Variants in COL9A2 observed in about 807,000 individuals in gnomAD.
COL9A2 encodes collagen alpha-2(IX) chain.
A neutral mutation model predicts 111.6 loss-of-function variants in COL9A2; 66 were observed. The ratio of observed to expected loss-of-function variants is 0.59; its 90% CI spans 0.48 to 0.73. COL9A2 has a LOEUF of 0.73. Ranked by LOEUF, COL9A2 falls within the 30% of genes least tolerant of loss-of-function variation. COL9A2 has a pLI of 0.00. For missense variants in COL9A2, 881 were observed against 954.1 expected (o/e 0.92, Z 1.01); for synonymous variants, 353 against 364.1 (o/e 0.97, Z 0.35).
Position 40,303,929 on chromosome 1 carries a change from T to C in COL9A2, c.1367A>G (p.Lys456Arg), listed in dbSNP as rs1207723446. The C allele has an allele frequency of 1.3e-6, 2 of 1,555,270 alleles. No individual in the cohort carries two copies. Among genetic ancestry groups the C allele is most frequent in the Admixed American group, 3.9e-5 (2 of 51,474 alleles). ...CCCTTCCCTAGGCCGCGCGCTCACC[T>C]TCTCGCCTTTCTCTCCGGGGAGGCC... Reference protein sequence around the residue: ...VAGLPGEKGEKGESGEPGPKG... With the variant: ...VAGLPGEKGERGESGEPGPKG... The change falls in exon 26 of 32, where the codon AAG (lysine) becomes AGG (arginine). Residue 456 changes from lysine (K) to arginine (R), a missense_variant and splice_region_variant. Transcript: ENST00000372748. The surrounding 1 kb of genome is among the most constrained non-coding windows in gnomAD (Gnocchi z 4.6).
Position 40,303,911 on chromosome 1 carries a change from C to T in COL9A2, c.1368+17G>A, listed in dbSNP as rs1405827011. ...GCCAGCCGCCGCTCCCCGCCCTTCC[C>T]TAGGCCGCGCGCTCACCTTCTCGCC... is the stretch of plus-strand genomic sequence containing the variant. On this transcript the variant is annotated intron_variant, in intron 26 of 31. Coordinates refer to ENST00000372748, the MANE Select transcript of COL9A2 (RefSeq NM_001852.4). This position sits in a 1 kb window ranked among gnomAD's most constrained non-coding sequence, Gnocchi z 4.6. The T allele has an allele frequency of 6.4e-7, 1 of 1,551,846 alleles. No individual in the cohort carries two copies. Among genetic ancestry groups the T allele is most frequent in the Non-Finnish European group, 8.7e-7 (1 of 1,147,438 alleles).
chr1:40,307,739 G>A lies in COL9A2; in HGVS notation c.918C>T (p.Asn306=), dbSNP rs376991606. The A allele has an allele frequency of 2.3e-5, 37 of 1,614,162 alleles. No individual in the cohort carries two copies. Among genetic ancestry groups the A allele is most frequent in the African/African-American group, 8.0e-5 (6 of 75,034 alleles). Residue 306 remains asparagine, a synonymous_variant, in exon 18 of 32, where the codon AAC becomes AAT. Transcript: ENST00000372748. The surrounding 1 kb of genome is among the most constrained non-coding windows in gnomAD (Gnocchi z 4.8). ...GCGTGCCTGGGGTCCCATCCTTGCC[G>A]TTGATGCCTGGGGGGCCCTACCCAG... is the stretch of plus-strand genomic sequence containing the variant. ...PKGATGPPGI[N]GKDGTPGTPG...
intron 21 of COL9A2, 52 bp downstream of exon 21, chr1:40,305,663 C>T (rs368959182): frequency 7.1e-6 from 11 of 1,544,278 alleles, no homozygotes; most frequent in Non-Finnish European, 9.9e-6. Flanking sequence ...GGCTCCACCC[C>T]ATGGCCTCAC....
chr1:40,303,054 A>C lies in COL9A2; in HGVS notation c.1603+77T>G. The C allele has an allele frequency of 6.9e-7, 1 of 1,455,252 alleles. No individual in the cohort carries two copies. The allele number at this position is 1,455,252 out of a possible 1,614,324, so 90.1% of individuals were successfully genotyped here. ...ACTCCAGATTTTCAGACAAGTGAAC[A>C]CGTGGAGGCTCCGGGAGGGGGTGAG... On this transcript the variant is annotated intron_variant, in intron 29 of 31. Transcript: ENST00000372748. This position sits in a 1 kb window ranked among gnomAD's most constrained non-coding sequence, Gnocchi z 4.6.
At chr1:40,305,061 CTTTTT>C (rs869251364) in intron 21 of COL9A2, 262 of 123,374 alleles carry the variant, frequency 2.1e-3, no homozygotes, top group Middle Eastern at 7.9e-3. Context: ...TTCTTTCTTT[CTTTTT>C]TTTTTTTTTT....
Position 40,304,870 on chromosome 1 carries a change from C to A in COL9A2, c.1108-23G>T, listed in dbSNP as rs755692620. ...TCCCTGGAGGAAGGAGAAATTGGGG[C>A]TAAGCGTTTGACCTGGTGGAACCCA... On this transcript the variant is annotated intron_variant, in intron 21 of 31. Transcript: ENST00000372748. 7.1e-6 allele frequency: 11 copies of A among 1,547,606 alleles called. No homozygotes were observed. In the South Asian group the frequency reaches 1.2e-4, roughly 17 times the overall value.
rs370130857 is a variant in COL9A2, at chr1:40,302,652, G to A, written c.1761C>T (p.Ala587=). Residue 587 remains alanine (A), a synonymous_variant, in exon 30 of 32, where the codon GCC becomes GCT. Transcript: ENST00000372748. This position sits in a 1 kb window ranked among gnomAD's most constrained non-coding sequence, Gnocchi z 4.5. ...GPRGVPGIVG[A]VGQIGNTGPK... ...GCCCCGTGTTGCCGATCTGACCCAC[G>A]GCTCCCACGATGCCAGGAACGCCCC... is the stretch of plus-strand genomic sequence containing the variant. 48 of 1,604,318 alleles carry A rather than the reference G, an allele frequency of 3.0e-5. No individual in the cohort carries two copies. The South Asian group carries it at 4.0e-4, about 13-fold the overall frequency.
Position 40,316,073 on chromosome 1 carries a change from G to C in COL9A2, c.76-409C>G, listed in dbSNP as rs1283872731. 5.8e-6 allele frequency: 1 copy of C among 172,346 alleles called. No homozygotes were observed. Among genetic ancestry groups the C allele is most frequent in the South Asian group, 1.4e-4 (1 of 6,944 alleles). The allele number at this position is 172,346 out of a possible 1,614,324, so 10.7% of individuals were successfully genotyped here. On this transcript the variant is annotated intron_variant, in intron 1 of 31. Coordinates refer to ENST00000372748, the MANE Select transcript of COL9A2 (RefSeq NM_001852.4). This position sits in a 1 kb window ranked among gnomAD's most constrained non-coding sequence, Gnocchi z 5.5. ...AAATAAATCACAGATGGAATGTAAG[G>C]TTGTGCCTAGCAGGCTGCCGGCCCT...
chr1:40,314,816 C>T lies in COL9A2; in HGVS notation c.151-429G>A, dbSNP rs117572942. ...TATTCCAGACTGCAGGGCAGGAGAA[C>T]GGGAAGCTGAGCCAGTGGCAAGGAC... On this transcript the variant is annotated intron_variant, in intron 2 of 31. Transcript: ENST00000372748. The surrounding 1 kb of genome is among the most constrained non-coding windows in gnomAD (Gnocchi z 4.1). Among the ~76,000 whole-genome samples the T allele has an allele frequency of 0.019, 2,907 of 152,098 alleles. 47 individuals carry two copies. Among genetic ancestry groups the T allele is most frequent in the South Asian group, 0.054 (258 of 4,816 alleles).
Position 40,311,755 on chromosome 1 carries a change from C to T in COL9A2, c.418-40G>A, listed in dbSNP as rs779118087. ...AGCCCAAATCATACCCCTGACCAGC[C>T]CTTACCAGCTTACCCTAGTGCCCTC... On this transcript the variant is annotated intron_variant, in intron 8 of 31. Transcript: ENST00000372748. This position sits in a 1 kb window ranked among gnomAD's most constrained non-coding sequence, Gnocchi z 5.1. 5 of 1,605,154 alleles carry T rather than the reference C, an allele frequency of 3.1e-6. No individual in the cohort carries two copies. The highest frequency in any genetic ancestry group is 4.3e-6 in the Non-Finnish European group (5 of 1,172,776).
intron 2 of COL9A2, chr1:40,315,345 C>A (rs942821077): frequency 3.0e-6 from 4 of 1,341,916 alleles, no homozygotes; most frequent in Non-Finnish European, 3.8e-6. Flanking sequence ...CTGTGAGCTG[C>A]GGCCGGCGGA....
In COL9A2 at chr1:40,310,865, C is replaced by A. The variant is rs1022601978; in HGVS notation, c.631-98G>T. On this transcript the variant is annotated intron_variant, in intron 12 of 31. Coordinates refer to ENST00000372748, the MANE Select transcript of COL9A2 (RefSeq NM_001852.4). The surrounding 1 kb of genome is among the most constrained non-coding windows in gnomAD (Gnocchi z 4.9). ...ACCTCTTTTCCCCAGCACAAGCAGA[C>A]GGGAGGGACTACTACGAACCCTACA... 1 of 1,125,632 alleles carries A rather than the reference C, an allele frequency of 8.9e-7. No homozygotes were observed. The highest frequency in any genetic ancestry group is 1.3e-6 in the Non-Finnish European group (1 of 761,288). 69.7% of individuals were successfully genotyped at this position (1,125,632 alleles called of 1,614,324 possible). A position where few individuals can be genotyped will look rare whatever the true frequency, so the allele number is the denominator to read the frequency against.
Position 40,312,323 on chromosome 1 carries a change from G to T in COL9A2, c.363+133C>A. The T allele has an allele frequency of 1.5e-6, 2 of 1,314,490 alleles. No individual in the cohort carries two copies. The highest frequency in any genetic ancestry group is 2.1e-6 in the Non-Finnish European group (2 of 932,386). The allele number at this position is 1,314,490 out of a possible 1,614,324, so 81.4% of individuals were successfully genotyped here. A position where few individuals can be genotyped will look rare whatever the true frequency, so the allele number is the denominator to read the frequency against. ...AGAGTGGGCTGGCCCTGGGTCTCTG[G>T]CAGGTCCACTTATTCCTGACACTAT... On this transcript the variant is annotated intron_variant, in intron 7 of 31. Transcript: ENST00000372748. This position sits in a 1 kb window ranked among gnomAD's most constrained non-coding sequence, Gnocchi z 6.0.
rs1643918626 is a variant in COL9A2 at position 40,301,804 on chromosome 1, TG to T, written c.1870+7del. On this transcript the variant is annotated splice_region_variant and intron_variant, in intron 31 of 31. Transcript: ENST00000372748. The stretch of plus-strand genomic sequence containing the variant: ...ACACACTGCAGCTGGGCAGGGCCAA[TG>T]GCTTACCTGGGATCCCTGGGGGCCC... 6.2e-7 allele frequency: 1 copy of T among 1,613,748 alleles called. No individual in the cohort carries two copies. Among genetic ancestry groups the T allele is most frequent in the African/African-American group, 1.3e-5 (1 of 74,930 alleles).
intron 4 of COL9A2, among the ~76,000 whole-genome samples, chr1:40,313,633 C>G (rs1644167329): frequency 6.6e-6 from 1 of 152,208 alleles, no homozygotes; most frequent in South Asian, 2.1e-4. Context: ...ACCTCATGAG[C>G]CAGCAGGGCA....
Position 40,314,441 on chromosome 1 carries a change from G to C in COL9A2, c.151-54C>G. The C allele has an allele frequency of 6.2e-7, 1 of 1,611,318 alleles. No homozygotes were observed. Among genetic ancestry groups the C allele is most frequent in the Non-Finnish European group, 8.5e-7 (1 of 1,177,452 alleles). ...CACTACGGCTCACACTACCCCAAGT[G>C]GGCACACACAGGCCCTGGCAGGCCG... On this transcript the variant is annotated intron_variant, in intron 2 of 31. Transcript: ENST00000372748. This position sits in a 1 kb window ranked among gnomAD's most constrained non-coding sequence, Gnocchi z 4.1.
In COL9A2 at chr1:40,311,526, C is replaced by T. The variant is rs1348900011; in HGVS notation, c.493G>A (p.Gly165Ser). The T allele has an allele frequency of 6.2e-7, 1 of 1,613,876 alleles. No homozygotes were observed. The highest frequency in any genetic ancestry group is 8.5e-7 in the Non-Finnish European group (1 of 1,179,954). Reference protein sequence around the residue: ...GKPGRPGTIQGLEGSADFLCP... With the variant: ...GKPGRPGTIQSLEGSADFLCP... ...AGGAAATCCGCACTGCCTTCCAGAC[C>T]CTGGATGGTTCCCGGGCGACCCTGA... Residue 165 changes from glycine to serine, a missense_variant, in exon 10 of 32, where the codon GGT (glycine) becomes AGT (serine). Physicochemically the swap from Gly to Ser is moderately conservative, Grantham distance 56 (BLOSUM62 0). Coordinates refer to ENST00000372748, the MANE Select transcript of COL9A2 (RefSeq NM_001852.4). The surrounding 1 kb of genome is among the most constrained non-coding windows in gnomAD (Gnocchi z 5.1).
Position 40,314,155 on chromosome 1 carries a change from G to A in COL9A2, c.249+50C>T, listed in dbSNP as rs754477869. 6 of 1,592,544 alleles carry A rather than the reference G, an allele frequency of 3.8e-6. No individual in the cohort carries two copies. The highest frequency in any genetic ancestry group is 4.3e-6 in the Non-Finnish European group (5 of 1,161,148). ...GAAGATGCCAGAGCCAGGCCCTGGA[G>A]GTCAATTGGCAGAGCCCTACCCTGC... On this transcript the variant is annotated intron_variant, in intron 4 of 31. Coordinates refer to ENST00000372748, the MANE Select transcript of COL9A2 (RefSeq NM_001852.4). The surrounding 1 kb of genome is among the most constrained non-coding windows in gnomAD (Gnocchi z 4.1).
chr1:40,317,261 C>G lies in COL9A2; in HGVS notation c.-64G>C. ...CGCACGCACCGACGGCAGAGTCTCC[C>G]GGCGCTCCTCCAGCGCTGGCTGTTC... On this transcript the variant is annotated 5_prime_UTR_variant, in exon 1 of 32. Coordinates refer to ENST00000372748, the MANE Select transcript of COL9A2 (RefSeq NM_001852.4). The surrounding 1 kb of genome is among the most constrained non-coding windows in gnomAD (Gnocchi z 4.3). 2 of 877,292 alleles carry G rather than the reference C, an allele frequency of 2.3e-6. No individual in the cohort carries two copies. The highest frequency in any genetic ancestry group is 3.3e-6 in the Non-Finnish European group (2 of 608,434). 54.3% of individuals were successfully genotyped at this position (877,292 alleles called of 1,614,324 possible).
Sources: gnomAD v4.1 joint callset for allele counts (sites outside exome capture counted in the v4.1 genomes callset) on GRCh38, gnomAD v4.1.1 for gene constraint, Gnocchi (gnomAD v3.1) non-coding constraint, MANE v1.5 for transcripts, NCBI Gene and HGNC (gene_info 2026-07-23, HGNC 2026-07-21) for gene names.